SHISA9: variants seen among roughly 807,000 people sequenced by gnomAD.
The protein encoded by SHISA9 is protein shisa-9.
Under a neutral mutation model 38.0 loss-of-function variants are expected in SHISA9, and 13 were observed. The ratio of observed to expected loss-of-function variants is 0.34; its 90% confidence interval spans 0.22 to 0.54. The LOEUF (loss-of-function observed/expected upper bound fraction) is 0.54. SHISA9 is among the 20% of genes least tolerant of loss of function. The pLI, the probability that SHISA9 is intolerant of heterozygous loss-of-function variation, is 0.91. For missense variants in SHISA9, 538 were observed against 575.8 expected (o/e 0.93, Z 0.67); for synonymous variants, 275 against 242.0 (o/e 1.14, Z -1.27).
At chr16:13,260,948 G>T in the SHISA9 span, among the ~76,000 whole-genome samples, 1 of 152,154 alleles carries the variant, frequency 6.6e-6, no homozygotes, top group African/African-American at 2.4e-5. Flanking sequence ...CTTCTTACAT[G>T]GTGGCAGCAA....
At chr16:13,458,875 T>G in the SHISA9 span, among the ~76,000 whole-genome samples, 1 of 148,814 alleles carries the variant, frequency 6.7e-6, no homozygotes, top group African/African-American at 2.5e-5. Context: ...TTGTTTTTTG[T>G]TTTTTTTTTA....
At chr16:13,211,241 G>T (rs2051116481) in intron 3 of SHISA9, among the ~76,000 whole-genome samples, 1 of 151,958 alleles carries the variant, frequency 6.6e-6, no homozygotes, top group Non-Finnish European at 1.5e-5. Flanking sequence ...TGGGGGTGGA[G>T]GTTCCAGTGA....
At chr16:13,378,193 G>A in the SHISA9 span, among the ~76,000 whole-genome samples, 3 of 152,220 alleles carry the variant, frequency 2.0e-5, no homozygotes, top group Non-Finnish European at 2.9e-5. Context: ...AGAAGTTAAT[G>A]ACCCACATAC....
At chr16:13,307,295 A>G in the SHISA9 span, among the ~76,000 whole-genome samples, 20 of 152,210 alleles carry the variant, frequency 1.3e-4, no homozygotes, top group African/African-American at 4.3e-4. Flanking sequence ...TATTTTTCAT[A>G]TTTTGCATTC....
At chr16:12,975,737 G>A (rs955197975) in intron 2 of SHISA9, among the ~76,000 whole-genome samples, 4 of 151,850 alleles carry the variant, frequency 2.6e-5, no homozygotes, top group Non-Finnish European at 2.9e-5. Flanking sequence ...TTGTAGGTGG[G>A]GCTGGGAGGG....
At chr16:13,309,305 G>A in the SHISA9 span, among the ~76,000 whole-genome samples, 6 of 152,070 alleles carry the variant, frequency 3.9e-5, no homozygotes, top group African/African-American at 1.2e-4. Flanking sequence ...ACGTTTACCC[G>A]TGTAGCAAAC....
At chr16:13,557,920 T>G in the SHISA9 span, among the ~76,000 whole-genome samples, 1 of 152,084 alleles carries the variant, frequency 6.6e-6, no homozygotes, top group Non-Finnish European at 1.5e-5. Context: ...ATTTTTGCCC[T>G]TTCCTCTGCA....
intron 2 of SHISA9, among the ~76,000 whole-genome samples, chr16:13,027,132 A>G (rs553461091): frequency 6.6e-6 from 1 of 152,302 alleles, no homozygotes; most frequent in Non-Finnish European, 1.5e-5. Flanking sequence ...TGTTCTCAAC[A>G]TTGAATTGTA....
At chr16:13,001,076 C>T (rs1260919340) in intron 2 of SHISA9, among the ~76,000 whole-genome samples, 1 of 152,156 alleles carries the variant, frequency 6.6e-6, no homozygotes, top group African/African-American at 2.4e-5. Flanking sequence ...TACAGGTACC[C>T]ACCATGATGC....
At chr16:13,028,217 T>A (rs1034544889) in intron 2 of SHISA9, among the ~76,000 whole-genome samples, 2 of 152,200 alleles carry the variant, frequency 1.3e-5, no homozygotes, top group Non-Finnish European at 2.9e-5. Flanking sequence ...AAGTTACACT[T>A]CAATAAACGT....
chr16:13,260,761 AT>A, the SHISA9 span, among the ~76,000 whole-genome samples: 1 of 152,082 alleles, frequency 6.6e-6, no homozygotes, highest in African/African-American at 2.4e-5. Flanking sequence ...TCGCTTCCAC[AT>A]TTTTGGGTAT....
intron 2 of SHISA9, among the ~76,000 whole-genome samples, chr16:13,111,765 T>C (rs946073069): frequency 3.9e-5 from 6 of 152,212 alleles, no homozygotes; most frequent in African/African-American, 1.4e-4. Flanking sequence ...TTGAATTGCC[T>C]CTCCCCAAAG....
chr16:13,501,495 T>C, the SHISA9 span, among the ~76,000 whole-genome samples: 1 of 152,326 alleles, frequency 6.6e-6, no homozygotes, highest in South Asian at 2.1e-4. Context: ...ATGGCAAGCA[T>C]GAGCATGTCA....
At chr16:13,435,627 AAG>A in the SHISA9 span, among the ~76,000 whole-genome samples, 1 of 152,210 alleles carries the variant, frequency 6.6e-6, no homozygotes, top group Non-Finnish European at 1.5e-5. Context: ...GGGGAAAAAA[AAG>A]AGTACATCCT....
At chr16:13,060,637 C>CAAAAAA (rs5815739) in intron 2 of SHISA9, among the ~76,000 whole-genome samples, 5 of 86,560 alleles carry the variant, frequency 5.8e-5, no homozygotes, top group Non-Finnish European at 1.1e-4. Context: ...GACCCCATCT[C>CAAAAAA]AAAAAAAAAA....
the SHISA9 span, among the ~76,000 whole-genome samples, chr16:13,251,609 T>A: frequency 6.6e-6 from 1 of 152,176 alleles, no homozygotes; most frequent in African/African-American, 2.4e-5. Context: ...AGGGTCCTAG[T>A]GGGTTGGAAC....
intron 2 of SHISA9, among the ~76,000 whole-genome samples, chr16:12,990,257 T>A (rs2072367582): frequency 6.6e-6 from 1 of 152,242 alleles, no homozygotes. Flanking sequence ...TGTGCATCTA[T>A]CTTTATAATC....
chr16:13,040,457 C>T (rs1596605271), intron 2 of SHISA9, among the ~76,000 whole-genome samples: 1 of 152,224 alleles, frequency 6.6e-6, no homozygotes, highest in East Asian at 1.9e-4. Context: ...GCCTCCTTTT[C>T]TAAAAAGCTT....
At position 12,958,414 on chromosome 16, in the gene SHISA9, G is replaced by T. The variant is rs544089826; in HGVS notation, c.691+41599G>T. ...AAGTAAAAATCTCTTTTGATTCCTGGCTTGTGGAAATTTCCCCCTGAAGCC... is the reference window on the plus strand; with the variant it reads ...AAGTAAAAATCTCTTTTGATTCCTGTCTTGTGGAAATTTCCCCCTGAAGCC... On this transcript the variant is annotated intron_variant, in intron 2 of 4. Transcript: ENST00000558583. Among the ~76,000 whole-genome samples the T allele has an allele frequency of 2.6e-5, 4 of 152,290 alleles. No individual in the cohort carries two copies. In the South Asian group the frequency reaches 8.3e-4, roughly 32 times the overall value.
Sources: gnomAD v4.1 joint callset for allele counts (sites outside exome capture counted in the v4.1 genomes callset) on GRCh38, gnomAD v4.1.1 for gene constraint, MANE v1.5 for transcripts, NCBI Gene and HGNC (gene_info 2026-07-23, HGNC 2026-07-21) for gene names.